SGCD: variants seen among roughly 807,000 people sequenced by gnomAD.
The protein encoded by SGCD is delta-sarcoglycan.
In SGCD, 18 loss-of-function variants were observed where a neutral mutation model predicts 36.6. That is an observed-to-expected ratio of 0.49 (90% CI 0.34 to 0.73). SGCD has a LOEUF of 0.73. SGCD is among the 30% of genes least tolerant of loss of function. The pLI is 0.01. For missense variants in SGCD, 387 were observed against 346.7 expected (o/e 1.12, Z -0.92); for synonymous variants, 133 against 130.6 (o/e 1.02, Z -0.12).
the SGCD span, among the ~76,000 whole-genome samples, chr5:155,802,738 T>C: frequency 1.3e-5 from 2 of 152,208 alleles, no homozygotes; most frequent in Non-Finnish European, 1.5e-5. Flanking sequence ...ATGAATTGCA[T>C]TGGATATTGG....
intron 1 of SGCD, among the ~76,000 whole-genome samples, chr5:155,950,402 C>A (rs1391361246): frequency 6.6e-6 from 1 of 152,150 alleles, no homozygotes; most frequent in Non-Finnish European, 1.5e-5. Flanking sequence ...ATGTCCTCAA[C>A]CTAATGTCTA....
intron 7 of SGCD, among the ~76,000 whole-genome samples, chr5:156,711,589 A>C (rs1014342879): frequency 3.3e-5 from 5 of 152,174 alleles, no homozygotes; most frequent in Admixed American, 6.5e-5. Context: ...GACTTCAGGG[A>C]AAGGTTGACC....
chr5:156,227,960 CT>C (rs1284308359), intron 3 of SGCD, among the ~76,000 whole-genome samples: 1 of 151,954 alleles, frequency 6.6e-6, no homozygotes, highest in Non-Finnish European at 1.5e-5. Flanking sequence ...TTGAAGGTTC[CT>C]TTTGGAGATA....
intron 7 of SGCD, among the ~76,000 whole-genome samples, chr5:156,648,051 A>G (rs997594124): frequency 2.6e-5 from 4 of 152,256 alleles, no homozygotes; most frequent in African/African-American, 4.8e-5. Flanking sequence ...CTGAGATGCT[A>G]TGTACTCACC....
intron 3 of SGCD, among the ~76,000 whole-genome samples, chr5:156,500,544 A>T (rs1413586457): frequency 6.6e-6 from 1 of 152,220 alleles, no homozygotes; most frequent in Non-Finnish European, 1.5e-5. Context: ...TCCAATGCTG[A>T]TGCAGGGGGA....
chr5:156,107,642 A>T (rs2127598333), intron 1 of SGCD, among the ~76,000 whole-genome samples: 1 of 152,182 alleles, frequency 6.6e-6, no homozygotes, highest in South Asian at 2.1e-4. Flanking sequence ...CTGTTTTCCC[A>T]CAAATCCCCC....
In SGCD at chr5:156,133,961, AG is replaced by A. The variant is rs1295622469; in HGVS notation, c.-44+9943del. On this transcript the variant is annotated intron_variant, in intron 3 of 9. Coordinates refer to the SGCD transcript ENST00000517913. ...CACACACACACACACACACACACAC[AG>A]TTTCTCTCTGTCTCTCTCCAACACA... 5.6e-3 allele frequency among the ~76,000 whole-genome samples: 726 copies of A among 130,134 alleles called. 5 individuals are homozygous for A. Among genetic ancestry groups the A allele is most frequent in the African/African-American group, 0.02 (650 of 32,288 alleles). The allele number at this position is 130,134 out of a possible 152,430, so 85.4% of individuals were successfully genotyped here.
intron 3 of SGCD, among the ~76,000 whole-genome samples, chr5:156,301,203 A>C (rs1767046390): frequency 6.6e-6 from 1 of 151,894 alleles, no homozygotes; most frequent in African/African-American, 2.4e-5. Flanking sequence ...TTAGTGAAGA[A>C]GATTTTCTCT....
intron 3 of SGCD, among the ~76,000 whole-genome samples, chr5:156,375,154 CTCTT>C (rs1419041036): frequency 6.6e-6 from 1 of 152,152 alleles, no homozygotes; most frequent in Non-Finnish European, 1.5e-5. Flanking sequence ...GTCAACCTCT[CTCTT>C]TCCCTCTCCT....
chr5:156,449,924 T>A (rs1753934902), intron 3 of SGCD, among the ~76,000 whole-genome samples: 2 of 151,762 alleles, frequency 1.3e-5, no homozygotes, highest in South Asian at 4.2e-4. Flanking sequence ...CTATCAACTC[T>A]GTGTGTGCAT....
chr5:156,488,396 A>C (rs1755798021), intron 3 of SGCD, among the ~76,000 whole-genome samples: 1 of 152,224 alleles, frequency 6.6e-6, no homozygotes, highest in South Asian at 2.1e-4. Context: ...ACAGAGTGAG[A>C]ATTCTAAAAA....
At chr5:155,919,764 T>A (rs546809215) in intron 1 of SGCD, among the ~76,000 whole-genome samples, 1 of 152,324 alleles carries the variant, frequency 6.6e-6, no homozygotes, top group East Asian at 1.9e-4. Flanking sequence ...ACCCTTTGAT[T>A]CATTTCTTCA....
intron 6 of SGCD, among the ~76,000 whole-genome samples, chr5:156,604,881 A>G (rs1761362979): frequency 6.7e-6 from 1 of 150,072 alleles, no homozygotes; most frequent in Non-Finnish European, 1.5e-5. Context: ...CTTTATATAT[A>G]TATTATGTGT....
chr5:156,477,049 GAAAA>G (rs5872462), intron 3 of SGCD, among the ~76,000 whole-genome samples: 3 of 123,006 alleles, frequency 2.4e-5, no homozygotes, highest in Admixed American at 8.0e-5. Flanking sequence ...AAGAGAAAAA[GAAAA>G]AAAAAAAAAA....
rs1278199604 is a variant in SGCD at position 156,055,566 on chromosome 5, C to T, written c.-281-62312C>T. 2.1e-5 allele frequency among the ~76,000 whole-genome samples: 3 copies of T among 146,172 alleles called. 1 individual carries two copies. Among genetic ancestry groups the T allele is most frequent in the Non-Finnish European group, 4.6e-5 (3 of 64,978 alleles). ...ACAGTGACCTAGTTTTAAGGAAGTA[C>T]GTCTCACATATACCTCTACTATCAT... is the stretch of plus-strand genomic sequence containing the variant. On this transcript the variant is annotated intron_variant, in intron 1 of 9. Transcript: ENST00000517913.
chr5:156,176,248 C>T (rs1763469938), intron 3 of SGCD, among the ~76,000 whole-genome samples: 1 of 152,100 alleles, frequency 6.6e-6, no homozygotes, highest in East Asian at 1.9e-4. Context: ...CAACCCCAGC[C>T]AGACAAAACT....
At chr5:156,081,117 A>C (rs1169577886) in intron 1 of SGCD, among the ~76,000 whole-genome samples, 3 of 152,222 alleles carry the variant, frequency 2.0e-5, no homozygotes, top group African/African-American at 7.2e-5. Flanking sequence ...CTCAGGAAGC[A>C]TACAATTATG....
Position 156,605,028 on chromosome 5 carries a change from C to T in SGCD, c.502+9977C>T, listed in dbSNP as rs569786135. Reference sequence around the variant, plus strand: ...TTTGAGTTTGATTATGAATTTACTTCTTTTTTTTTCTCTTGTGTGTGTGTG... The same window carrying T: ...TTTGAGTTTGATTATGAATTTACTTTTTTTTTTTTCTCTTGTGTGTGTGTG... On this transcript the variant is annotated intron_variant, in intron 6 of 8. Transcript: ENST00000337851. Among the ~76,000 whole-genome samples the T allele has an allele frequency of 1.0e-4, 15 of 149,346 alleles. 1 individual carries two copies. The highest frequency in any genetic ancestry group is 3.8e-4 in the African/African-American group (15 of 39,970).
the SGCD span, among the ~76,000 whole-genome samples, chr5:155,815,720 C>A: frequency 6.6e-6 from 1 of 152,100 alleles, no homozygotes; most frequent in South Asian, 2.1e-4. Context: ...AACCAGGTCT[C>A]ATGAGAACTC....
Sources: gnomAD v4.1 joint callset for allele counts (sites outside exome capture counted in the v4.1 genomes callset) on GRCh38, gnomAD v4.1.1 for gene constraint, MANE v1.5 for transcripts, NCBI Gene and HGNC (gene_info 2026-07-23, HGNC 2026-07-21) for gene names.